Variants in KHDRBS3 observed in about 807,000 individuals in gnomAD.
KHDRBS3 encodes the protein KH RNA binding domain containing, signal transduction associated 3.
Under a neutral mutation model 45.6 loss-of-function variants are expected in KHDRBS3, and 23 were observed. That is an observed-to-expected ratio of 0.50 (90% CI 0.36 to 0.72). The LOEUF is 0.72. KHDRBS3 is among the 30% of genes least tolerant of loss of function. The pLI is 0.00. For missense variants in KHDRBS3, 352 were observed against 424.8 expected (o/e 0.83, Z 1.51); for synonymous variants, 162 against 156.5 (o/e 1.04, Z -0.26).
intron 7 of KHDRBS3, among the ~76,000 whole-genome samples, chr8:135,610,215 A>G (rs1829653701): frequency 6.6e-6 from 1 of 151,916 alleles, no homozygotes; most frequent in Non-Finnish European, 1.5e-5. Context: ...GGGAGCTAGC[A>G]TTTACTTAGA....
chr8:135,577,171 T>C (rs982322014), intron 5 of KHDRBS3, among the ~76,000 whole-genome samples: 3 of 152,144 alleles, frequency 2.0e-5, no homozygotes, highest in African/African-American at 7.2e-5. Context: ...CTCCAATCCC[T>C]TCAATAAAAT....
chr8:135,491,362 G>A (rs545437550), intron 1 of KHDRBS3, among the ~76,000 whole-genome samples: 12 of 151,958 alleles, frequency 7.9e-5, no homozygotes, highest in African/African-American at 2.7e-4. Context: ...ACCTAAGGAG[G>A]GAAATTCTTT....
At chr8:135,561,698 C>T (rs547859164) in intron 5 of KHDRBS3, among the ~76,000 whole-genome samples, 18 of 152,020 alleles carry the variant, frequency 1.2e-4, no homozygotes, top group Admixed American at 5.2e-4. Context: ...TGGTCAAGGA[C>T]GGACAGAACA....
chr8:135,553,222 T>C (rs965641345), intron 4 of KHDRBS3, among the ~76,000 whole-genome samples: 6 of 152,198 alleles, frequency 3.9e-5, no homozygotes, highest in Non-Finnish European at 7.3e-5. Context: ...CTCATATTTC[T>C]TACCTGAAAT....
intron 2 of KHDRBS3, among the ~76,000 whole-genome samples, chr8:135,528,637 T>G (rs1825314238): frequency 6.6e-6 from 1 of 152,230 alleles, no homozygotes; most frequent in South Asian, 2.1e-4. Context: ...TCTTAGACCT[T>G]TGTGGTGCTA....
At chr8:135,549,539 A>G (rs1826481142) in intron 4 of KHDRBS3, 1 of 152,234 alleles carries the variant, frequency 6.6e-6, no homozygotes, top group Non-Finnish European at 1.5e-5. Context: ...AAGGGAATAC[A>G]TCTCTACCTC....
chr8:135,537,134 G>T (rs1454978388), intron 2 of KHDRBS3, among the ~76,000 whole-genome samples: 1 of 152,144 alleles, frequency 6.6e-6, no homozygotes, highest in East Asian at 1.9e-4. Context: ...GCAGTAGGTG[G>T]CAGGCTTCAG....
intron 5 of KHDRBS3, among the ~76,000 whole-genome samples, chr8:135,564,026 C>G (rs899162524): frequency 6.6e-6 from 1 of 152,208 alleles, no homozygotes; most frequent in African/African-American, 2.4e-5. Flanking sequence ...GAACATTAGG[C>G]TAACCCAGTC....
At chr8:135,648,317 A>G (rs1831362532), downstream of KHDRBS3, among the ~76,000 whole-genome samples, 1 of 152,196 alleles carries the variant, frequency 6.6e-6, no homozygotes, top group African/African-American at 2.4e-5. Flanking sequence ...ATTGGGGCCA[A>G]TTACTCCCTA....
At chr8:135,579,758 G>C (rs1388280152) in intron 5 of KHDRBS3, among the ~76,000 whole-genome samples, 2 of 152,152 alleles carry the variant, frequency 1.3e-5, no homozygotes, top group Non-Finnish European at 1.5e-5. Flanking sequence ...TGGCCTTGTT[G>C]ATGTGGTGGG....
chr8:135,531,407 G>A (rs1825469841), intron 2 of KHDRBS3, among the ~76,000 whole-genome samples: 2 of 119,578 alleles, frequency 1.7e-5, no homozygotes, highest in South Asian at 6.0e-4. Context: ...CTTTAATATA[G>A]TAATCTCTGC....
rs529322845 is a variant in KHDRBS3 at position 135,599,545 on chromosome 8, A to C, written c.808-7410A>C. On this transcript the variant is annotated intron_variant, in intron 6 of 8. Coordinates refer to ENST00000355849, the MANE Select transcript of KHDRBS3 (RefSeq NM_006558.3). ...TTGCATTCTTCTCAAAGAAGCACTT[A>C]ACTACATTTCCTGCCACTTGTCATT... Among the ~76,000 whole-genome samples, 24 of 152,352 alleles carry C rather than the reference A, an allele frequency of 1.6e-4. No individual in the cohort carries two copies. In the South Asian group the frequency reaches 5.0e-3, roughly 32 times the overall value.
intron 6 of KHDRBS3, among the ~76,000 whole-genome samples, chr8:135,600,634 G>A (rs564377796): frequency 6.6e-6 from 1 of 152,320 alleles, no homozygotes; most frequent in East Asian, 1.9e-4. Context: ...GATTTTTAAA[G>A]TGCAAGAAAA....
rs935943123 is a variant in KHDRBS3 at position 135,612,629 on chromosome 8, T to C, written c.890+5592T>C. On this transcript the variant is annotated intron_variant, in intron 7 of 8. Coordinates refer to ENST00000355849, the MANE Select transcript of KHDRBS3 (RefSeq NM_006558.3). ...GTTCTCTCAATTCAGAATTTGAAAG[T>C]ACGTGCAATGCTACAGTTATAGTTC... Among the ~76,000 whole-genome samples, 6 of 151,934 alleles carry C rather than the reference T, an allele frequency of 3.9e-5. 1 individual carries two copies. Among genetic ancestry groups the C allele is most frequent in the African/African-American group, 1.5e-4 (6 of 41,192 alleles).
intron 7 of KHDRBS3, among the ~76,000 whole-genome samples, chr8:135,615,979 A>G (rs1329384281): frequency 6.6e-6 from 1 of 152,266 alleles, no homozygotes; most frequent in East Asian, 1.9e-4. Context: ...ATTGAAAATA[A>G]GAAGTTTTGT....
At chr8:135,507,056 T>C (rs577383947) in intron 1 of KHDRBS3, among the ~76,000 whole-genome samples, 78 of 152,282 alleles carry the variant, frequency 5.1e-4, no homozygotes, top group African/African-American at 1.7e-3. Flanking sequence ...CCCAAATAAA[T>C]AGACTGCAGA....
chr8:135,557,758 A>G (rs1252894377), intron 5 of KHDRBS3, among the ~76,000 whole-genome samples, 171 bp downstream of exon 5: 3 of 152,198 alleles, frequency 2.0e-5, no homozygotes, highest in East Asian at 1.9e-4. Context: ...GTTCGAGGCC[A>G]TGGTATGCTA....
chr8:135,631,520 A>G (rs1312455376), intron 7 of KHDRBS3, among the ~76,000 whole-genome samples: 1 of 152,102 alleles, frequency 6.6e-6, no homozygotes, highest in Non-Finnish European at 1.5e-5. Flanking sequence ...ACATAGTGTC[A>G]GGATCATCTA....
At chr8:135,504,956 T>C (rs1422853067) in intron 1 of KHDRBS3, among the ~76,000 whole-genome samples, 1 of 152,198 alleles carries the variant, frequency 6.6e-6, no homozygotes, top group Non-Finnish European at 1.5e-5. Context: ...TCACTTATTC[T>C]CTGCTCTCAG....
Sources: allele counts gnomAD v4.1 joint callset (sites outside exome capture counted in the v4.1 genomes callset), GRCh38; gene constraint gnomAD v4.1.1; transcripts MANE v1.5; gene names NCBI Gene and HGNC (gene_info 2026-07-23, HGNC 2026-07-21).